The following RAET1E variants were observed in gnomAD, a reference collection of about 807,000 sequenced individuals.
RAET1E encodes the protein NKG2D ligand 4.
RAET1E carries 27 observed loss-of-function variants against 21.1 expected under a neutral mutation model. That is an observed-to-expected ratio of 1.28 (90% CI 0.94 to 1.76). The LOEUF (loss-of-function observed/expected upper bound fraction) is 1.76, where lower values mean the gene tolerates loss of function less well. Ranked by LOEUF, RAET1E falls within the 40% of genes most tolerant of loss-of-function variation. The probability of loss-of-function intolerance (pLI) is 0.00; values close to 1 mark genes in which losing one functional copy is unlikely to be tolerated. For missense variants in RAET1E, 310 were observed against 311.3 expected, an observed-to-expected ratio of 1.00 and a Z score of 0.03; for synonymous variants, 113 against 115.0, an observed-to-expected ratio of 0.98 and a Z score of 0.11.
chr6:149,890,736 T>A (rs1777854610), intron 3 of RAET1E, 81 bp downstream of exon 3: 2 of 937,046 alleles, frequency 2.1e-6, no homozygotes, highest in Non-Finnish European at 3.5e-6. Flanking sequence ...GTCTGAAGCC[T>A]GCATGAAGCC....
At position 149,889,291 on chromosome 6, in the gene RAET1E, G is replaced by A. The variant is rs777731123; in HGVS notation, c.622+57C>T. ...GCACACACACACTGACACCCACACA[G>A]GGAAGGCTTTTGACCTTTAAAGGGA... On this transcript the variant is annotated intron_variant, in intron 5 of 5. Coordinates refer to ENST00000357183, the MANE Select transcript of RAET1E (RefSeq NM_001394057.1). 3.1e-6 allele frequency: 5 copies of A among 1,597,060 alleles called. No homozygotes were observed. In the South Asian group the frequency reaches 4.5e-5, roughly 14 times the overall value.
intron 2 of RAET1E, among the ~76,000 whole-genome samples, chr6:149,894,347 C>G (rs1032791690): frequency 2.0e-5 from 3 of 152,166 alleles, no homozygotes; most frequent in African/African-American, 7.2e-5. Flanking sequence ...GGAAGTTTTC[C>G]TGGATAATAA....
intron 1 of RAET1E, among the ~76,000 whole-genome samples, chr6:149,896,642 GTT>G (rs1778126438): frequency 7.2e-6 from 1 of 139,506 alleles, no homozygotes; most frequent in African/African-American, 2.8e-5. Context: ...GTATGTGTGT[GTT>G]TGTGTGTGTG....
rs746337964 is a variant in RAET1E at position 149,889,925 on chromosome 6, C to T, written c.306G>A (p.Arg102=). The part of the protein sequence containing the change: ...QTLGEVGRDL[R]MLLCDIKPQI... ...GGGGTTTGATGTCACAAAGGAGCAT[C>T]CTGAGGTCTCGCCCCACTTCTCCCA... The change falls in exon 4 of 6, where the codon AGG becomes AGA. Residue 102 remains arginine (R), a synonymous_variant. Transcript: ENST00000357183. 2 of 1,614,088 alleles carry T rather than the reference C, an allele frequency of 1.2e-6. No homozygotes were observed. The highest frequency in any genetic ancestry group is 1.7e-4 in the Middle Eastern group (1 of 6,054).
At chr6:149,890,250 G>A in intron 3 of RAET1E, 105 bp from the exon 4 acceptor site, 1 of 1,275,222 alleles carries the variant, frequency 7.8e-7, no homozygotes, top group Non-Finnish European at 1.1e-6. Context: ...GCTAGCAGAG[G>A]CGGGGCAGCT....
At chr6:149,891,348 C>T (rs999393216) in intron 2 of RAET1E, among the ~76,000 whole-genome samples, 1 of 152,068 alleles carries the variant, frequency 6.6e-6, no homozygotes, top group African/African-American at 2.4e-5. Context: ...TCGCCATTCT[C>T]CCCTCTCCCA....
intron 3 of RAET1E, 27 bp downstream of exon 3, chr6:149,890,790 G>A: frequency 6.5e-7 from 1 of 1,542,034 alleles, no homozygotes; most frequent in Non-Finnish European, 9.0e-7. Flanking sequence ...CTTGTCCTCA[G>A]CCAGTTCTTG....
intron 5 of RAET1E, 36 bp downstream of exon 5, chr6:149,889,312 A>G (rs1380600445): frequency 1.2e-6 from 2 of 1,610,564 alleles, no homozygotes; most frequent in East Asian, 2.2e-5. Flanking sequence ...TGACCTTTAA[A>G]GGGAGCTGCC....
At chr6:149,891,286 T>C (rs1777882712) in intron 2 of RAET1E, among the ~76,000 whole-genome samples, 1 of 152,104 alleles carries the variant, frequency 6.6e-6, no homozygotes, top group South Asian at 2.1e-4. Flanking sequence ...CTGCCTCTTT[T>C]GCTTTTCCCT....
Position 149,889,517 on chromosome 6 carries a change from G to C in RAET1E, c.453C>G (p.Asp151Glu), listed in dbSNP as rs754710217. 1 of 1,613,962 alleles carries C rather than the reference G, an allele frequency of 6.2e-7. No individual in the cohort carries two copies. The highest frequency in any genetic ancestry group is 8.5e-7 in the Non-Finnish European group (1 of 1,180,028). Residue 151 changes from aspartate (D) to glutamate (E), a missense_variant, in exon 5 of 6, where the codon GAC becomes GAG. Transcript: ENST00000357183. ...ATNGEKSLLF[D>E]AMNMTWTVIN... ...TTACTGTCCAGGTCATGTTCATTGC[G>C]TCAAAGAGGAGGGATTTCTCTCCAT... is the stretch of plus-strand genomic sequence containing the variant.
chr6:149,889,140 G>A, intron 5 of RAET1E: 2 of 1,434,552 alleles, frequency 1.4e-6, no homozygotes, highest in Non-Finnish European at 9.1e-7. Flanking sequence ...AATGGGAAGG[G>A]GTTTCTACAC....
At chr6:149,895,288 T>G (rs1778070874) in intron 2 of RAET1E, among the ~76,000 whole-genome samples, 1 of 152,252 alleles carries the variant, frequency 6.6e-6, no homozygotes, top group South Asian at 2.1e-4. Context: ...TCGAATGCTG[T>G]GCTGGGAGGT....
chr6:149,889,324 C>T (rs1206878784), intron 5 of RAET1E, 24 bp downstream of exon 5: 1 of 1,612,464 alleles, frequency 6.2e-7, no homozygotes, highest in East Asian at 2.2e-5. Context: ...GGAGCTGCCA[C>T]ATTCTCCCAC....
rs1316662151 is a variant in RAET1E, at chr6:149,897,523, G to C, written c.-321+498C>G. Among the ~76,000 whole-genome samples, 13 of 152,288 alleles carry C rather than the reference G, an allele frequency of 8.5e-5. No individual in the cohort carries two copies. In the East Asian group the frequency reaches 2.5e-3, roughly 29 times the overall value. On this transcript the variant is annotated intron_variant, in intron 1 of 5. Coordinates refer to ENST00000357183, the MANE Select transcript of RAET1E (RefSeq NM_001394057.1). ...AATGAGTCACAGCCTTTTTGTGGCA[G>C]TGTGCCCTGGGCTTCTAACCGTCCT...
intron 5 of RAET1E, 100 bp from the exon 6 acceptor site, chr6:149,888,767 C>T: frequency 1.4e-6 from 2 of 1,453,580 alleles, no homozygotes; most frequent in Non-Finnish European, 1.8e-6. Context: ...TCCCCAGGAA[C>T]ACATGGTGCC....
intron 1 of RAET1E, among the ~76,000 whole-genome samples, chr6:149,896,702 G>A (rs972942417): frequency 7.2e-5 from 11 of 152,022 alleles, no homozygotes; most frequent in Non-Finnish European, 1.6e-4. Flanking sequence ...GCATATGTGT[G>A]ATATGACCAC....
In RAET1E at chr6:149,887,139, G is replaced by A. The variant is rs1439943080; in HGVS notation, c.*1359C>T. Among the ~76,000 whole-genome samples, 1 of 152,190 alleles carries A rather than the reference G, an allele frequency of 6.6e-6. No homozygotes were observed. The highest frequency in any genetic ancestry group is 6.5e-5 in the Admixed American group (1 of 15,282). On this transcript the variant is annotated 3_prime_UTR_variant, in exon 6 of 6. Transcript: ENST00000357183. ...CAGCCGACTCGGTTACCAGGATGAG[G>A]CTAGAGGCCAGGAACTCCCAGGTGT...
Position 149,888,111 on chromosome 6 carries a change from T to C in RAET1E, c.*387A>G, listed in dbSNP as rs1777687670. ...AAAGGATTTCTTATACCACATCTTG[T>C]ATGTTATCTGGGAGTAAATGCTGCA... On this transcript the variant is annotated 3_prime_UTR_variant, in exon 6 of 6. Coordinates refer to ENST00000357183, the MANE Select transcript of RAET1E (RefSeq NM_001394057.1). 2 of 484,788 alleles carry C rather than the reference T, an allele frequency of 4.1e-6. No homozygotes were observed. The highest frequency in any genetic ancestry group is 8.1e-6 in the Non-Finnish European group (2 of 246,110). The allele number at this position is 484,788 out of a possible 1,614,324, so 30.0% of individuals were successfully genotyped here. A position where few individuals can be genotyped will look rare whatever the true frequency, so the allele number is the denominator to read the frequency against.
At chr6:149,897,758 T>C (rs974333569) in intron 1 of RAET1E, among the ~76,000 whole-genome samples, 4 of 151,978 alleles carry the variant, frequency 2.6e-5, no homozygotes, top group African/African-American at 4.8e-5. Flanking sequence ...AGAGGGGCGA[T>C]TGGGACTCCA....
Sources: gnomAD v4.1 joint callset for allele counts (sites outside exome capture counted in the v4.1 genomes callset) on GRCh38, gnomAD v4.1.1 for gene constraint, MANE v1.5 for transcripts, NCBI Gene and HGNC (gene_info 2026-07-23, HGNC 2026-07-21) for gene names.